The following NTM variants were observed in gnomAD, a reference collection of about 807,000 sequenced individuals.
NTM encodes the protein neurotrimin, also known as IgLON family member 2.
Under a neutral mutation model 42.1 loss-of-function variants are expected in NTM, and 13 were observed. That is an observed-to-expected ratio of 0.31 (90% CI 0.20 to 0.49). NTM has a LOEUF of 0.49. NTM is among the 20% of genes least tolerant of loss of function. The probability of loss-of-function intolerance (pLI) is 0.99; values close to 1 mark genes in which losing one functional copy is unlikely to be tolerated. For missense variants in NTM, 373 were observed against 452.8 expected, an observed-to-expected ratio of 0.82 and a Z score of 1.60; for synonymous variants, 187 against 179.2, an observed-to-expected ratio of 1.04 and a Z score of -0.35.
intron 1 of NTM, among the ~76,000 whole-genome samples, chr11:131,779,886 CA>C (rs1381157212): frequency 6.6e-6 from 1 of 152,134 alleles, no homozygotes; most frequent in Non-Finnish European, 1.5e-5. Flanking sequence ...ATTAGGAAGA[CA>C]TACCTTAGAG....
chr11:131,423,670 A>G (rs915313352), intron 1 of NTM, among the ~76,000 whole-genome samples: 11 of 152,178 alleles, frequency 7.2e-5, no homozygotes, highest in African/African-American at 2.4e-4. Flanking sequence ...ACAGTCGTGA[A>G]AAAGCTAGCA....
At chr11:131,469,143 A>G (rs4937626) in intron 1 of NTM, among the ~76,000 whole-genome samples, 62,638 of 151,922 alleles carry the variant, frequency 0.41, 17,059 homozygotes, top group East Asian at 0.74. Flanking sequence ...TTCCCCACCC[A>G]CAACCAGCGC....
chr11:132,165,815 A>G (rs1012353129), intron 3 of NTM, among the ~76,000 whole-genome samples: 1 of 152,000 alleles, frequency 6.6e-6, no homozygotes, highest in African/African-American at 2.4e-5. Flanking sequence ...TTCTTCTTTT[A>G]TTTCTTTTTG....
chr11:132,019,180 T>G (rs1040866125), intron 2 of NTM, among the ~76,000 whole-genome samples: 2 of 152,048 alleles, frequency 1.3e-5, no homozygotes, highest in Admixed American at 1.3e-4. Context: ...CTCTTATCAT[T>G]ATTATATCAC....
At chr11:131,391,685 G>C (rs1377799120) in intron 1 of NTM, among the ~76,000 whole-genome samples, 2 of 147,742 alleles carry the variant, frequency 1.4e-5, no homozygotes, top group African/African-American at 5.0e-5. Context: ...AAGAAGGCTA[G>C]GATTGGGTGC....
At chr11:132,243,320 A>T (rs1042024025) in intron 4 of NTM, among the ~76,000 whole-genome samples, 2 of 152,232 alleles carry the variant, frequency 1.3e-5, no homozygotes, top group Non-Finnish European at 2.9e-5. Flanking sequence ...TGCAAACTCC[A>T]TGTGACTCAA....
chr11:132,126,055 G>A (rs1457675734), intron 2 of NTM, among the ~76,000 whole-genome samples: 2 of 152,034 alleles, frequency 1.3e-5, no homozygotes, highest in Non-Finnish European at 2.9e-5. Flanking sequence ...GTCCCCAGGC[G>A]CCCCTGCGCG....
At chr11:131,440,400 T>C (rs1042419711) in intron 1 of NTM, among the ~76,000 whole-genome samples, 4 of 152,150 alleles carry the variant, frequency 2.6e-5, no homozygotes, top group African/African-American at 7.2e-5. Context: ...ATTTTTTCTG[T>C]ATTCTTGTGG....
At chr11:131,534,776 T>G (rs422581) in intron 1 of NTM, 129,853 of 151,926 alleles carry the variant, frequency 0.85, 55,751 homozygotes, top group Non-Finnish European at 0.9. Context: ...TGTGGCCTCT[T>G]CAGGAAGGGG....
At chr11:132,313,551 A>AAAAAGTAAAAGGTTG (rs930507455) in intron 6 of NTM, among the ~76,000 whole-genome samples, 4 of 152,058 alleles carry the variant, frequency 2.6e-5, no homozygotes, top group African/African-American at 9.7e-5. Context: ...TGTTTCAGGG[A>AAAAAGTAAAAGGTTG]AAAAGTAAAA....
At chr11:131,632,013 C>T (rs2472247) in intron 1 of NTM, among the ~76,000 whole-genome samples, 23,518 of 152,028 alleles carry the variant, frequency 0.15, 2,293 homozygotes, top group East Asian at 0.26. Context: ...ACTTAGTATG[C>T]ATATGTTTCA....
chr11:132,225,440 G>A (rs534007351), intron 4 of NTM, among the ~76,000 whole-genome samples: 1 of 152,302 alleles, frequency 6.6e-6, no homozygotes, highest in South Asian at 2.1e-4. Context: ...GCAAGGGCTT[G>A]TATGAAGAGA....
intron 1 of NTM, among the ~76,000 whole-genome samples, chr11:131,404,244 C>T (rs1186268543): frequency 2.0e-5 from 3 of 152,210 alleles, no homozygotes; most frequent in East Asian, 3.9e-4. Context: ...CTACTCTCAT[C>T]AAGGTCATCA....
chr11:131,442,242 A>G (rs889201120), intron 1 of NTM, among the ~76,000 whole-genome samples: 59 of 152,180 alleles, frequency 3.9e-4, no homozygotes, highest in Non-Finnish European at 5.0e-4. Flanking sequence ...GACAGATAAA[A>G]CTTGTTTGCA....
At chr11:132,190,753 A>AAG (rs1555306278) in intron 3 of NTM, among the ~76,000 whole-genome samples, 12 of 151,212 alleles carry the variant, frequency 7.9e-5, no homozygotes, top group Non-Finnish European at 1.5e-4. Flanking sequence ...AAAAAAAAAA[A>AAG]AGAGACAGAT....
At chr11:132,260,718 A>G (rs2092795179) in intron 4 of NTM, among the ~76,000 whole-genome samples, 1 of 152,242 alleles carries the variant, frequency 6.6e-6, no homozygotes, top group Admixed American at 6.5e-5. Context: ...GAAGAGCTAC[A>G]TCAAAAGAGG....
chr11:132,327,754 T>C (rs1247555557), intron 7 of NTM, among the ~76,000 whole-genome samples: 1 of 152,134 alleles, frequency 6.6e-6, no homozygotes, highest in African/African-American at 2.4e-5. Flanking sequence ...ACTGTTGTTT[T>C]CTTCTTGTTG....
At chr11:132,205,332 G>T (rs200010532) in intron 3 of NTM, among the ~76,000 whole-genome samples, 1 of 152,156 alleles carries the variant, frequency 6.6e-6, no homozygotes, top group African/African-American at 2.4e-5. Flanking sequence ...TCCACTGTGT[G>T]CTAAAAACAG....
At chr11:131,671,094 C>T (rs2134636043) in intron 1 of NTM, among the ~76,000 whole-genome samples, 1 of 152,304 alleles carries the variant, frequency 6.6e-6, no homozygotes, top group Middle Eastern at 3.4e-3. Flanking sequence ...TTCCTCCCAG[C>T]CCTGTTTCTC....
Sources: gnomAD v4.1 joint callset for allele counts (sites outside exome capture counted in the v4.1 genomes callset) on GRCh38, gnomAD v4.1.1 for gene constraint, MANE v1.5 for transcripts, NCBI Gene and HGNC (gene_info 2026-07-23, HGNC 2026-07-21) for gene names.